The following ESPN variants were observed in gnomAD, a reference collection of about 807,000 sequenced individuals.
The protein encoded by ESPN is espin.
ESPN carries 68 observed loss-of-function variants against 77.7 expected under a neutral mutation model. That is an observed-to-expected ratio of 0.87 (90% CI 0.72 to 1.07). ESPN has a LOEUF of 1.07. Ranked by LOEUF, ESPN falls within the 50% of genes least tolerant of loss-of-function variation. ESPN has a pLI of 0.00. For synonymous variants in ESPN, 449 were observed against 567.1 expected, an observed-to-expected ratio of 0.79 and a Z score of 2.96; for missense variants, 1,060 against 1,239.0, an observed-to-expected ratio of 0.86 and a Z score of 2.17.
In ESPN at chr1:6,450,409, A is replaced by T; in HGVS notation, c.1916-1194A>T. On this transcript the variant is annotated intron_variant, in intron 8 of 12. Transcript: ENST00000645284. The surrounding 1 kb of genome is among the most constrained non-coding windows in gnomAD (Gnocchi z 4.3). ...TCTCATCCTGCCCCCCCTCCCTCCT[A>T]ACTCCGCTGTCACTTCTCTCCTCTT... is the stretch of plus-strand genomic sequence containing the variant. 5.3e-6 allele frequency: 5 copies of T among 940,894 alleles called. No individual in the cohort carries two copies. Among genetic ancestry groups the T allele is most frequent in the Non-Finnish European group, 6.3e-6 (5 of 790,132 alleles). 58.3% of individuals were successfully genotyped at this position (940,894 alleles called of 1,614,324 possible). A position where few individuals can be genotyped will look rare whatever the true frequency, so the allele number is the denominator to read the frequency against.
chr1:6,439,608 G>A (rs1031095086), intron 2 of ESPN, among the ~76,000 whole-genome samples: 8 of 152,162 alleles, frequency 5.3e-5, no homozygotes, highest in Non-Finnish European at 1.2e-4. Flanking sequence ...GATGGAGGGG[G>A]CACACAATGA....
At chr1:6,433,133 AAAAAG>A (rs1553166646) in intron 2 of ESPN, among the ~76,000 whole-genome samples, 1 of 102,374 alleles carries the variant, frequency 9.8e-6, no homozygotes, top group South Asian at 2.9e-4. Context: ...AAAAAAAAGA[AAAAAG>A]AAAAGAAAAG....
Position 6,428,190 on chromosome 1 carries a change from C to T in ESPN, c.295-36C>T, listed in dbSNP as rs1643110226. On this transcript the variant is annotated intron_variant, in intron 1 of 12. Transcript: ENST00000645284. This position sits in a 1 kb window ranked among gnomAD's most constrained non-coding sequence, Gnocchi z 5.4. Reference sequence around the variant, plus strand: ...GCCCAAGCCAGGGGCGGGGCAGCAACAGGCTTTAGGACTTGAACCAGCTCT... The same window carrying T: ...GCCCAAGCCAGGGGCGGGGCAGCAATAGGCTTTAGGACTTGAACCAGCTCT... 3.1e-6 allele frequency: 5 copies of T among 1,611,490 alleles called. No individual in the cohort carries two copies. Among genetic ancestry groups the T allele is most frequent in the Non-Finnish European group, 4.2e-6 (5 of 1,178,436 alleles).
intron 2 of ESPN, among the ~76,000 whole-genome samples, chr1:6,435,105 C>G (rs1437518347): frequency 6.6e-6 from 1 of 152,098 alleles, no homozygotes; most frequent in African/African-American, 2.4e-5. Flanking sequence ...TGCATTTCTT[C>G]CCTGGGCCAG....
chr1:6,443,575 C>T (rs1175726412), intron 5 of ESPN, among the ~76,000 whole-genome samples: 1 of 152,198 alleles, frequency 6.6e-6, no homozygotes, highest in Non-Finnish European at 1.5e-5. Context: ...GTATGTGTGC[C>T]CTGGTTCCCT....
rs891395583 is a variant in ESPN at position 6,427,338 on chromosome 1, C to T, written c.295-888C>T. On this transcript the variant is annotated intron_variant, in intron 1 of 12. Coordinates refer to ENST00000645284, the MANE Select transcript of ESPN (RefSeq NM_031475.3). The surrounding 1 kb of genome is among the most constrained non-coding windows in gnomAD (Gnocchi z 4.6). ...GGCAGCCTCTGTGTCTAGATGTTCC[C>T]GGGAATTCTCCTCCCAGCACAGGTC... is the stretch of plus-strand genomic sequence containing the variant. Among the ~76,000 whole-genome samples, 11 of 152,120 alleles carry T rather than the reference C, an allele frequency of 7.2e-5. No individual in the cohort carries two copies. The highest frequency in any genetic ancestry group is 2.7e-4 in the African/African-American group (11 of 41,420).
intron 5 of ESPN, among the ~76,000 whole-genome samples, chr1:6,442,429 C>T (rs1224733299): frequency 6.6e-6 from 1 of 151,270 alleles, no homozygotes; most frequent in Non-Finnish European, 1.5e-5. Flanking sequence ...AAAAATTTAG[C>T]CAGGTATGGT....
chr1:6,433,125 A>G (rs1232516965), intron 2 of ESPN, among the ~76,000 whole-genome samples: 1 of 135,282 alleles, frequency 7.4e-6, no homozygotes, highest in Non-Finnish European at 1.5e-5. Flanking sequence ...CCATCTCAAA[A>G]AAAAAGAAAA....
rs1203803788 is a variant in ESPN, at chr1:6,451,253, G to A, written c.1916-350G>A. 2 of 393,970 alleles carry A rather than the reference G, an allele frequency of 5.1e-6. No homozygotes were observed. The highest frequency in any genetic ancestry group is 6.0e-5 in the East Asian group (1 of 16,578). The allele number at this position is 393,970 out of a possible 1,614,324, so 24.4% of individuals were successfully genotyped here. On this transcript the variant is annotated intron_variant, in intron 8 of 12. Transcript: ENST00000645284. This position sits in a 1 kb window ranked among gnomAD's most constrained non-coding sequence, Gnocchi z 4.3. ...CTGAGCCAGGGAACCTGGGACAAAG[G>A]TCAGGTGGCTGATTCCAGGTAGTGT...
chr1:6,445,445 C>T (rs1310520267), intron 6 of ESPN: 7 of 638,706 alleles, frequency 1.1e-5, no homozygotes, highest in African/African-American at 5.4e-5. Flanking sequence ...CCCTCCAAAC[C>T]GGAGTGCCTG....
intron 3 of ESPN, 30 bp from the exon 4 acceptor site, chr1:6,440,590 AGCCCCC>A: frequency 9.6e-7 from 1 of 1,045,562 alleles, no homozygotes; most frequent in Non-Finnish European, 1.4e-6. Context: ...CCTGGCGCCC[AGCCCCC>A]GCCCCCCTCT....
rs577445851 is a variant in ESPN at position 6,451,053 on chromosome 1, T to C, written c.1916-550T>C. On this transcript the variant is annotated intron_variant, in intron 8 of 12. Coordinates refer to ENST00000645284, the MANE Select transcript of ESPN (RefSeq NM_031475.3). The surrounding 1 kb of genome is among the most constrained non-coding windows in gnomAD (Gnocchi z 4.3). ...AGGTGCTCCCGGCTTGCAACCAATG[T>C]GTCTGCTTGTGCATCTGTCTGTGGG... 1.4e-4 allele frequency among the ~76,000 whole-genome samples: 22 copies of C among 152,284 alleles called. No individual in the cohort carries two copies. Among genetic ancestry groups the C allele is most frequent in the African/African-American group, 4.6e-4 (19 of 41,572 alleles).
intron 10 of ESPN, among the ~76,000 whole-genome samples, chr1:6,453,621 G>T (rs1219376662): frequency 6.6e-6 from 1 of 152,126 alleles, no homozygotes; most frequent in Non-Finnish European, 1.5e-5. Flanking sequence ...CCTCAGTGGG[G>T]GCCAGGTTAC....
chr1:6,429,517 C>A (rs1313256974), intron 2 of ESPN, among the ~76,000 whole-genome samples: 1 of 152,148 alleles, frequency 6.6e-6, no homozygotes, highest in Non-Finnish European at 1.5e-5. Flanking sequence ...ATGTCCCCAC[C>A]CTCACGGCGG....
chr1:6,456,993 A>C (rs1644068683), intron 10 of ESPN, among the ~76,000 whole-genome samples, 191 bp from the exon 11 acceptor site: 1 of 152,210 alleles, frequency 6.6e-6, no homozygotes, highest in African/African-American at 2.4e-5. Flanking sequence ...GTAGGACATG[A>C]GGGTCTGGGT....
intron 1 of ESPN, among the ~76,000 whole-genome samples, chr1:6,426,167 C>A (rs754654539): frequency 3.3e-5 from 5 of 152,130 alleles, no homozygotes; most frequent in Non-Finnish European, 7.4e-5. Flanking sequence ...CAGGGTAACT[C>A]TAAACTGGCT....
chr1:6,440,520 AGGGGT>A, intron 3 of ESPN, 80 bp downstream of exon 3: 1 of 236,568 alleles, frequency 4.2e-6, no homozygotes, highest in Non-Finnish European at 5.3e-6. Flanking sequence ...CGGGGCCATC[AGGGGT>A]GGGGCGGGGG....
Position 6,460,053 on chromosome 1 carries a change from A to G in ESPN, c.2472A>G (p.Ser824=). The change falls in exon 13 of 13, where the codon TCA becomes TCG. Residue 824 remains serine (S), a synonymous_variant. Coordinates refer to ENST00000645284, the MANE Select transcript of ESPN (RefSeq NM_031475.3). ...AGCTGCGGCGGGAGAAGGAACAGTC[A>G]GAGAAGCTGCGGACGCTGGGCTACG... is the stretch of plus-strand genomic sequence containing the variant. ...QEELRREKEQ[S]EKLRTLGYDE... 6.2e-7 allele frequency: 1 copy of G among 1,613,576 alleles called. No individual in the cohort carries two copies. The highest frequency in any genetic ancestry group is 8.5e-7 in the Non-Finnish European group (1 of 1,180,032).
rs778659174 is a variant in ESPN, at chr1:6,428,379, G to A, written c.448G>A (p.Asp150Asn). 6 of 1,612,924 alleles carry A rather than the reference G, an allele frequency of 3.7e-6. No homozygotes were observed. Among genetic ancestry groups the A allele is most frequent in the Non-Finnish European group, 5.1e-6 (6 of 1,179,638 alleles). The change falls in exon 2 of 13, where the codon GAC becomes AAC. Residue 150 changes from aspartate (D) to asparagine (N), a missense_variant. By Grantham distance (23) the Asp-to-Asn change is conservative. This residue lies in a region of ESPN where 556 missense variants were observed against 633.6 expected (regional missense o/e 0.88). Coordinates refer to ENST00000645284, the MANE Select transcript of ESPN (RefSeq NM_031475.3). This position sits in a 1 kb window ranked among gnomAD's most constrained non-coding sequence, Gnocchi z 5.4. ...LPIHYAAAKGDFPSLRLLVEH... is the reference protein window; with the variant it reads ...LPIHYAAAKGNFPSLRLLVEH... ...TATCCACTACGCTGCCGCCAAAGGA[G>A]ACTTCCCCTCCCTGAGGCTTCTCGT...
Sources: gnomAD v4.1 joint callset for allele counts (sites outside exome capture counted in the v4.1 genomes callset) on GRCh38, gnomAD v4.1.1 for gene constraint, gnomAD v4.1.1 regional missense constraint, Gnocchi (gnomAD v3.1) non-coding constraint, MANE v1.5 for transcripts, NCBI Gene and HGNC (gene_info 2026-07-23, HGNC 2026-07-21) for gene names.